CDH2: variants seen among roughly 807,000 people sequenced by gnomAD.
CDH2 encodes the protein cadherin-2.
A neutral mutation model predicts 92.0 loss-of-function variants in CDH2; 17 were observed. The observed-to-expected ratio is 0.18, with a 90% CI of 0.13 to 0.28. The LOEUF (loss-of-function observed/expected upper bound fraction) is 0.28, where lower values mean the gene tolerates loss of function less well. CDH2 is among the 10% of genes least tolerant of loss of function. CDH2 has a pLI of 1.00. For synonymous variants in CDH2, 419 were observed against 415.9 expected, an observed-to-expected ratio of 1.01 and a Z score of -0.09; for missense variants, 862 against 1,133.1, an observed-to-expected ratio of 0.76 and a Z score of 3.44.
intron 5 of CDH2, among the ~76,000 whole-genome samples, chr18:28,008,486 A>G (rs573396316): frequency 6.6e-6 from 1 of 152,296 alleles, no homozygotes; most frequent in East Asian, 1.9e-4. Context: ...ATCTAGGTGA[A>G]TCTATTGAAG....
chr18:27,978,031 C>G (rs1256834333), intron 14 of CDH2, among the ~76,000 whole-genome samples: 3 of 152,064 alleles, frequency 2.0e-5, no homozygotes, highest in Non-Finnish European at 4.4e-5. Flanking sequence ...TACAAAGAAA[C>G]AGAATTTCTA....
At chr18:28,128,506 G>A (rs549888289) in intron 2 of CDH2, among the ~76,000 whole-genome samples, 197 of 152,084 alleles carry the variant, frequency 1.3e-3, no homozygotes, top group Middle Eastern at 6.8e-3. Context: ...ACAACATGGC[G>A]AAACCCTGTC....
intron 2 of CDH2, among the ~76,000 whole-genome samples, chr18:28,067,764 ATTTAC>A (rs1270740055): frequency 6.6e-6 from 1 of 152,148 alleles, no homozygotes; most frequent in Non-Finnish European, 1.5e-5. Flanking sequence ...AAGTAAAATA[ATTTAC>A]TTTGTGTTCA....
intron 14 of CDH2, among the ~76,000 whole-genome samples, chr18:27,973,216 C>A (rs555155195): frequency 1.4e-4 from 19 of 138,214 alleles, no homozygotes; most frequent in African/African-American, 4.7e-4. Flanking sequence ...CTAATTTCCA[C>A]AACTCACATA....
chr18:28,014,460 G>A (rs2013186292), intron 2 of CDH2, among the ~76,000 whole-genome samples: 1 of 152,110 alleles, frequency 6.6e-6, no homozygotes. Context: ...ATGCTTACAG[G>A]AAGAAAGCAA....
intron 2 of CDH2, among the ~76,000 whole-genome samples, chr18:28,122,395 G>A (rs1273549398): frequency 6.6e-6 from 1 of 152,054 alleles, no homozygotes; most frequent in East Asian, 1.9e-4. Flanking sequence ...TCTCCTAGGA[G>A]TTTTCTTTTT....
chr18:28,039,902 A>T (rs1486562650), intron 2 of CDH2, among the ~76,000 whole-genome samples: 3 of 152,208 alleles, frequency 2.0e-5, no homozygotes, highest in African/African-American at 7.2e-5. Context: ...TACATAACCA[A>T]CCAACAGTTA....
At chr18:28,159,658 GTTTT>G (rs775758310) in intron 1 of CDH2, among the ~76,000 whole-genome samples, 1 of 134,930 alleles carries the variant, frequency 7.4e-6, no homozygotes. Flanking sequence ...CAATTTTTTT[GTTTT>G]TTTTTTTTTT....
At position 28,067,227 on chromosome 18, in the gene CDH2, T is replaced by C. The variant is rs1567985456; in HGVS notation, c.173-53318A>G. ...AACAGCTTTATTCAGATAATTCACA[T>C]ATACAATTCACTCATTTAAAGTATA... On this transcript the variant is annotated intron_variant, in intron 2 of 15. Coordinates refer to ENST00000269141, the MANE Select transcript of CDH2 (RefSeq NM_001792.5). Among the ~76,000 whole-genome samples the C allele has an allele frequency of 2.6e-5, 4 of 152,216 alleles. No homozygotes were observed. In the South Asian group the frequency reaches 8.3e-4, roughly 32 times the overall value.
At chr18:28,100,495 T>C (rs1394196229) in intron 2 of CDH2, among the ~76,000 whole-genome samples, 2 of 152,222 alleles carry the variant, frequency 1.3e-5, no homozygotes, top group African/African-American at 4.8e-5. Context: ...ATCTTGGATC[T>C]TGTCAGATTC....
chr18:28,006,911 C>T (rs1253270578), intron 5 of CDH2, among the ~76,000 whole-genome samples: 2 of 151,210 alleles, frequency 1.3e-5, no homozygotes, highest in Non-Finnish European at 2.9e-5. Flanking sequence ...GTAGCTCATG[C>T]CTGTAATCTC....
chr18:28,080,080 T>C (rs2014800199), intron 2 of CDH2, among the ~76,000 whole-genome samples: 1 of 152,142 alleles, frequency 6.6e-6, no homozygotes, highest in African/African-American at 2.4e-5. Flanking sequence ...ACAGTGCTGA[T>C]ATTCAAAAGA....
At chr18:27,957,105 A>AT (rs1425109334) in intron 15 of CDH2, among the ~76,000 whole-genome samples, 5 of 124,630 alleles carry the variant, frequency 4.0e-5, no homozygotes, top group Admixed American at 8.2e-5. Context: ...TACTTCTTAT[A>AT]TTTTTTATCT....
intron 13 of CDH2, among the ~76,000 whole-genome samples, chr18:27,983,728 C>T (rs140809776): frequency 6.6e-6 from 1 of 152,186 alleles, no homozygotes; most frequent in Non-Finnish European, 1.5e-5. Context: ...CATAAATTTT[C>T]CAGTGAGTTG....
chr18:28,072,024 T>C (rs2014627362), intron 2 of CDH2, among the ~76,000 whole-genome samples: 1 of 152,166 alleles, frequency 6.6e-6, no homozygotes, highest in South Asian at 2.1e-4. Context: ...CTAAAGTCAA[T>C]GATTCTATAG....
chr18:27,967,924 T>G (rs541606844), intron 14 of CDH2, among the ~76,000 whole-genome samples: 3 of 152,202 alleles, frequency 2.0e-5, no homozygotes, highest in Non-Finnish European at 4.4e-5. Flanking sequence ...AAATTGAAAT[T>G]CTGGAATCCC....
intron 1 of CDH2, among the ~76,000 whole-genome samples, chr18:28,158,528 T>A (rs547241069): frequency 7.0e-4 from 107 of 152,304 alleles, no homozygotes; most frequent in African/African-American, 2.5e-3. Flanking sequence ...TGATGCTTCA[T>A]TCCATGGGAA....
chr18:28,103,590 T>C (rs2015272032), intron 2 of CDH2, among the ~76,000 whole-genome samples: 1 of 151,786 alleles, frequency 6.6e-6, no homozygotes. Flanking sequence ...CCATGGTGGT[T>C]TGCTGCACCC....
At chr18:28,120,843 GTTGTTT>G (rs1219247572) in intron 2 of CDH2, among the ~76,000 whole-genome samples, 1 of 152,114 alleles carries the variant, frequency 6.6e-6, no homozygotes, top group Non-Finnish European at 1.5e-5. Context: ...GTTGTTTGTT[GTTGTTT>G]TTATTTCCTT....
Sources: allele counts gnomAD v4.1 joint callset (sites outside exome capture counted in the v4.1 genomes callset), GRCh38; gene constraint gnomAD v4.1.1; transcripts MANE v1.5; gene names NCBI Gene and HGNC (gene_info 2026-07-23, HGNC 2026-07-21).